ZC3H12B: variants seen among roughly 807,000 people sequenced by gnomAD.
The protein encoded by ZC3H12B is probable ribonuclease ZC3H12B.
ZC3H12B carries 7 observed loss-of-function variants against 43.9 expected under a neutral mutation model. The ratio of observed to expected loss-of-function variants is 0.16; its 90% CI spans 0.09 to 0.30. ZC3H12B has a LOEUF of 0.30. Ranked by LOEUF, ZC3H12B falls within the 10% of genes least tolerant of loss-of-function variation. The probability of loss-of-function intolerance (pLI) is 1.00; values close to 1 mark genes in which losing one functional copy is unlikely to be tolerated. For missense variants in ZC3H12B, 475 were observed against 670.2 expected, an observed-to-expected ratio of 0.71 and a Z score of 3.22; for synonymous variants, 222 against 241.7, an observed-to-expected ratio of 0.92 and a Z score of 0.76.
chrX:65,295,281 T>C, the ZC3H12B span, among the ~76,000 whole-genome samples: 1 of 111,513 alleles, frequency 9.0e-6, no homozygotes, highest in African/African-American at 3.3e-5. Context: ...TACATGGAAA[T>C]TAAATAACCT....
chrX:65,382,139 G>A (rs1360756154), intron 2 of ZC3H12B, among the ~76,000 whole-genome samples: 1 of 111,295 alleles, frequency 9.0e-6, no homozygotes, highest in Non-Finnish European at 1.9e-5. Flanking sequence ...GCCGGGCAGA[G>A]ACACAACCAA....
At chrX:65,413,084 A>G (rs12007896) in intron 3 of ZC3H12B, among the ~76,000 whole-genome samples, 16,005 of 110,351 alleles carry the variant, frequency 0.15, 2,784 homozygotes, top group African/African-American at 0.49. Flanking sequence ...TTGCCTTTGT[A>G]TATCTTTGTA....
At chrX:65,418,617 C>A (rs2066986423) in intron 3 of ZC3H12B, among the ~76,000 whole-genome samples, 1 of 111,675 alleles carries the variant, frequency 9.0e-6, no homozygotes, top group Non-Finnish European at 1.9e-5. Flanking sequence ...CTCATACAGA[C>A]CTATGGCATT....
At chrX:65,307,969 A>G in the ZC3H12B span, among the ~76,000 whole-genome samples, 1 of 111,883 alleles carries the variant, frequency 8.9e-6, no homozygotes, top group Non-Finnish European at 1.9e-5. Flanking sequence ...TGGCATGTTA[A>G]GTTTATTATA....
the ZC3H12B span, among the ~76,000 whole-genome samples, chrX:65,122,706 GACA>G: frequency 9.1e-6 from 1 of 110,495 alleles, no homozygotes; most frequent in Non-Finnish European, 1.9e-5. Flanking sequence ...CAAGCAAATG[GACA>G]ACAAAAAAAG....
At chrX:65,506,834 G>A (rs974515796) in exon 5 of ZC3H12B, 5 of 110,484 alleles carry the variant, frequency 4.5e-5, no homozygotes, top group South Asian at 3.9e-4. Flanking sequence ...AGGTAATATC[G>A]AGCCATTGCA....
At chrX:65,336,305 G>C in the ZC3H12B span, among the ~76,000 whole-genome samples, 2 of 111,927 alleles carry the variant, frequency 1.8e-5, no homozygotes, top group African/African-American at 6.5e-5. Context: ...CCTTCCCTGA[G>C]CGACCCTGGC....
chrX:65,373,616 T>A (rs1363082095), intron 2 of ZC3H12B, among the ~76,000 whole-genome samples: 1 of 105,584 alleles, frequency 9.5e-6, no homozygotes, highest in Non-Finnish European at 1.9e-5. Context: ...CTGGAAACCA[T>A]CATTCTCAGC....
chrX:65,226,909 T>A, the ZC3H12B span, among the ~76,000 whole-genome samples: 3 of 110,968 alleles, frequency 2.7e-5, no homozygotes, highest in Non-Finnish European at 5.7e-5. Flanking sequence ...ACAAAGAGAC[T>A]TAGACTCCCA....
the ZC3H12B span, among the ~76,000 whole-genome samples, chrX:65,104,734 T>C: frequency 9.0e-6 from 1 of 111,658 alleles, no homozygotes; most frequent in African/African-American, 3.3e-5. Flanking sequence ...AGAATGGTGA[T>C]CATTAAAAGT....
chrX:65,354,724 A>T, the ZC3H12B span, among the ~76,000 whole-genome samples: 1 of 112,191 alleles, frequency 8.9e-6, no homozygotes, highest in Non-Finnish European at 1.9e-5. Context: ...AAAAAAGGTT[A>T]GAGGTATTGC....
the ZC3H12B span, among the ~76,000 whole-genome samples, chrX:65,333,933 A>ATCC: frequency 1.8e-5 from 2 of 111,833 alleles, no homozygotes; most frequent in African/African-American, 6.5e-5. Context: ...AGTTTCTCAC[A>ATCC]AATTAGGAAC....
chrX:65,117,490 A>C, the ZC3H12B span, among the ~76,000 whole-genome samples: 4 of 110,949 alleles, frequency 3.6e-5, no homozygotes, highest in Non-Finnish European at 7.6e-5. Context: ...GATTGTAAAA[A>C]TTTTCTCCCA....
chrX:65,393,262 A>C lies in ZC3H12B; in HGVS notation n.296-5331A>C, dbSNP rs748522979. ...GATCAATAAATACTAAAAAAATTAA[A>C]AAAAAATTCAACATCCTTTCTTTTT... is the stretch of plus-strand genomic sequence containing the variant. On this transcript the variant is annotated intron_variant and non_coding_transcript_variant, in intron 2 of 5. Transcript: ENST00000617377. Among the ~76,000 whole-genome samples, 4 of 112,089 alleles carry C rather than the reference A, an allele frequency of 3.6e-5. No individual in the cohort carries two copies. In the South Asian group the frequency reaches 1.5e-3, roughly 42 times the overall value.
intron 3 of ZC3H12B, among the ~76,000 whole-genome samples, chrX:65,441,909 T>C (rs1043824911): frequency 1.8e-5 from 2 of 110,119 alleles, no homozygotes; most frequent in African/African-American, 6.6e-5. Context: ...CCTCATGGCG[T>C]TTCCCGAAAT....
intron 2 of ZC3H12B, among the ~76,000 whole-genome samples, chrX:65,387,027 C>T (rs1377208362): frequency 9.8e-5 from 11 of 111,837 alleles, no homozygotes; most frequent in South Asian, 3.7e-4. Context: ...GTCATAATTT[C>T]TGTTCTTTTA....
chrX:65,427,482 C>T (rs1274153940), intron 3 of ZC3H12B, among the ~76,000 whole-genome samples: 1 of 110,793 alleles, frequency 9.0e-6, no homozygotes, highest in Non-Finnish European at 1.9e-5. Flanking sequence ...GTGCATGCCA[C>T]CATGCCTGGC....
chrX:65,383,389 T>C, intron 2 of ZC3H12B, among the ~76,000 whole-genome samples: 1 of 112,000 alleles, frequency 8.9e-6, no homozygotes, highest in Admixed American at 9.5e-5. Flanking sequence ...CTGGGAAAAC[T>C]GGCTAGCCAT....
chrX:65,163,541 A>G, the ZC3H12B span, among the ~76,000 whole-genome samples: 11 of 111,438 alleles, frequency 9.9e-5, no homozygotes, highest in East Asian at 3.1e-3. Context: ...GCTTGCAATC[A>G]GTGAGACTCC....
Sources: gnomAD v4.1 joint callset for allele counts (sites outside exome capture counted in the v4.1 genomes callset) on GRCh38, gnomAD v4.1.1 for gene constraint, MANE v1.5 for transcripts, NCBI Gene and HGNC (gene_info 2026-07-23, HGNC 2026-07-21) for gene names.